CEP152: variants seen among roughly 807,000 people sequenced by gnomAD.
CEP152 encodes centrosomal protein 152.
Under a neutral mutation model 188.9 loss-of-function variants are expected in CEP152, and 132 were observed. The observed-to-expected ratio is 0.70, with a 90% CI of 0.61 to 0.81. The LOEUF is 0.81. Ranked by LOEUF, CEP152 falls within the 30% of genes least tolerant of loss-of-function variation. The pLI is 0.00. For missense variants in CEP152, 1,914 were observed against 1,969.8 expected (o/e 0.97, Z 0.54); for synonymous variants, 649 against 666.6 (o/e 0.97, Z 0.41).
chr15:48,744,159 G>A, intron 24 of CEP152, 81 bp downstream of exon 24: 1 of 1,567,716 alleles, frequency 6.4e-7, no homozygotes, highest in Non-Finnish European at 8.7e-7. Flanking sequence ...AAGAACTACT[G>A]CTGGTAAACT....
At position 48,767,153 on chromosome 15, in the gene CEP152, C is replaced by T. The variant is rs1895179191; in HGVS notation, c.2187G>A (p.Val729=). The T allele has an allele frequency of 1.2e-6, 2 of 1,613,708 alleles. No homozygotes were observed. The highest frequency in any genetic ancestry group is 2.2e-5 in the South Asian group (2 of 91,086). ...LDKLNKEVTA[V]QECYLEVCRE... is the part of the protein sequence containing the mutation. ...TGCACACTTCTAGGTAACATTCCTG[C>T]ACAGCAGTCACCTCCTTATTCAACT... Residue 729 remains valine (V), a synonymous_variant, in exon 17 of 27, where the codon GTG becomes GTA. Coordinates refer to ENST00000380950, the MANE Select transcript of CEP152 (RefSeq NM_001194998.2).
intron 18 of CEP152, 105 bp from the exon 19 acceptor site, chr15:48,760,371 C>G: frequency 7.3e-7 from 1 of 1,368,136 alleles, no homozygotes; most frequent in Non-Finnish European, 1.0e-6. Flanking sequence ...CTGTATATCA[C>G]TACATAATAA....
intron 6 of CEP152, 126 bp from the exon 7 acceptor site, chr15:48,793,587 T>G: frequency 1.3e-6 from 1 of 794,544 alleles, no homozygotes; most frequent in Non-Finnish European, 2.0e-6. Context: ...TTCAGTGAAT[T>G]GTGACTAGGA....
chr15:48,781,007 A>C (rs1489004331), intron 12 of CEP152, among the ~76,000 whole-genome samples, 189 bp downstream of exon 12: 1 of 152,240 alleles, frequency 6.6e-6, no homozygotes, highest in Non-Finnish European at 1.5e-5. Context: ...AAGTAAGGTC[A>C]TAGTAAGGTT....
intron 23 of CEP152, 38 bp downstream of exon 23, chr15:48,744,858 T>C (rs1332819162): frequency 6.5e-7 from 1 of 1,550,030 alleles, no homozygotes; most frequent in Admixed American, 2.0e-5. Context: ...TGTACTTAGA[T>C]TTCTTTAAAA....
downstream of CEP152, among the ~76,000 whole-genome samples, chr15:48,734,441 A>G (rs1033250730): frequency 6.6e-6 from 1 of 151,726 alleles, no homozygotes; most frequent in African/African-American, 2.4e-5. Flanking sequence ...CCTCATAAAT[A>G]TCTGTTTAAT....
intron 13 of CEP152, among the ~76,000 whole-genome samples, chr15:48,771,575 A>G (rs1360061258): frequency 1.3e-5 from 2 of 152,216 alleles, no homozygotes; most frequent in African/African-American, 4.8e-5. Context: ...CTTGTTACAG[A>G]GAATACTTCC....
chr15:48,762,436 G>T lies in CEP152; in HGVS notation c.2517C>A (p.Leu839=), dbSNP rs566937763. Residue 839 remains leucine, a synonymous_variant, in exon 18 of 27, where the codon CTC becomes CTA. Coordinates refer to ENST00000380950, the MANE Select transcript of CEP152 (RefSeq NM_001194998.2). ...AATGTTTGAGTTCCAATTCAATTTCGAGTTTCTTCATAGCCCCCTTGATGG... is the reference window on the plus strand; with the variant it reads ...AATGTTTGAGTTCCAATTCAATTTCTAGTTTCTTCATAGCCCCCTTGATGG... ...DIAIKGAMKK[L]EIELELKHCE... 7 of 1,613,786 alleles carry T rather than the reference G, an allele frequency of 4.3e-6. No individual in the cohort carries two copies. Among genetic ancestry groups the T allele is most frequent in the Non-Finnish European group, 4.2e-6 (5 of 1,179,954 alleles).
At chr15:48,765,636 ATTTTTTTTTTTTTTTTT>A (rs34837739) in intron 17 of CEP152, 49 of 189,472 alleles carry the variant, frequency 2.6e-4, no homozygotes, top group African/African-American at 1.9e-3. Flanking sequence ...GTTCTTGCCA[ATTTTTTTTTTTTTTTTT>A]TTTTTTTTTT....
rs1595586511 is a variant in CEP152 at position 48,741,250 on chromosome 15, C to T, written c.4093+351G>A. The stretch of plus-strand genomic sequence containing the variant: ...GATCAAGGGATCCTCCCACCTCAGC[C>T]TCCCAAAGTGCTGGGATTACAGGTG... On this transcript the variant is annotated intron_variant, in intron 26 of 26. Coordinates refer to ENST00000380950, the MANE Select transcript of CEP152 (RefSeq NM_001194998.2). 5 of 1,132,948 alleles carry T rather than the reference C, an allele frequency of 4.4e-6. No homozygotes were observed. In the East Asian group the frequency reaches 3.5e-4, roughly 80 times the overall value. The allele number at this position is 1,132,948 out of a possible 1,614,324, so 70.2% of individuals were successfully genotyped here.
intron 7 of CEP152, 84 bp downstream of exon 7, chr15:48,793,237 T>C: frequency 6.5e-7 from 1 of 1,538,996 alleles, no homozygotes; most frequent in Non-Finnish European, 9.0e-7. Context: ...TTTTACTCTC[T>C]AAGCTTCGTA....
At chr15:48,789,198 T>C (rs796344626) in intron 8 of CEP152, 197 bp from the exon 9 acceptor site, 82 of 606,116 alleles carry the variant, frequency 1.4e-4, no homozygotes, top group African/African-American at 1.0e-3. Flanking sequence ...CCATAGTTGT[T>C]GGAAACAATG....
chr15:48,770,373 A>G (rs181905715), intron 13 of CEP152, among the ~76,000 whole-genome samples: 10 of 152,336 alleles, frequency 6.6e-5, no homozygotes, highest in Non-Finnish European at 7.3e-5. Context: ...AAGATGAGAT[A>G]GTTATTCCTT....
intron 12 of CEP152, among the ~76,000 whole-genome samples, chr15:48,776,039 G>GGA (rs1895874891): frequency 6.8e-6 from 1 of 146,916 alleles, no homozygotes; most frequent in South Asian, 2.1e-4. Flanking sequence ...AAAGCTAAGG[G>GGA]AAAAAAAAAA....
intron 13 of CEP152, 113 bp downstream of exon 13, chr15:48,772,374 G>T: frequency 1.2e-6 from 1 of 859,310 alleles, no homozygotes; most frequent in Non-Finnish European, 1.9e-6. Context: ...TTCCACCACT[G>T]CCCTCCAGCC....
intron 17 of CEP152, among the ~76,000 whole-genome samples, chr15:48,764,703 A>G (rs909261926): frequency 2.0e-5 from 3 of 152,158 alleles, no homozygotes; most frequent in Non-Finnish European, 2.9e-5. Context: ...TTAACATGTG[A>G]GGAAAGTTCT....
At position 48,755,945 on chromosome 15, in the gene CEP152, T is replaced by C. The variant is rs1270944062; in HGVS notation, c.3303A>G (p.Thr1101=). Residue 1101 remains threonine (T), a synonymous_variant, in exon 20 of 27, where the codon ACA becomes ACG. Transcript: ENST00000380950. The stretch of plus-strand genomic sequence containing the variant: ...CAGCGTTTTCTACAAGCAGAGGAAG[T>C]GTATCTTGAAATGCTTTCTGTATGC... ...KGCIQKAFQD[T]LPLLVENADP... 9 of 1,614,026 alleles carry C rather than the reference T, an allele frequency of 5.6e-6. No homozygotes were observed. The highest frequency in any genetic ancestry group is 4.5e-5 in the East Asian group (2 of 44,884).
intron 21 of CEP152, 99 bp from the exon 22 acceptor site, chr15:48,748,709 T>C (rs987081522): frequency 1.6e-6 from 2 of 1,251,366 alleles, no homozygotes; most frequent in South Asian, 2.3e-5. Flanking sequence ...AGATGACTCA[T>C]GACTAAAGGC....
chr15:48,777,404 A>C (rs1253147759), intron 12 of CEP152, among the ~76,000 whole-genome samples: 1 of 151,866 alleles, frequency 6.6e-6, no homozygotes, highest in Non-Finnish European at 1.5e-5. Flanking sequence ...CAAAAATACT[A>C]CCTGAGTTAA....
Sources: allele counts gnomAD v4.1 joint callset (sites outside exome capture counted in the v4.1 genomes callset), GRCh38; gene constraint gnomAD v4.1.1; transcripts MANE v1.5; gene names NCBI Gene and HGNC (gene_info 2026-07-23, HGNC 2026-07-21).